The following AFF2 variants were observed in gnomAD, a reference collection of about 807,000 sequenced individuals.
AFF2 encodes AF4/FMR2 family member 2.
In AFF2, 14 loss-of-function variants were observed where a neutral mutation model predicts 76.9. That is an observed-to-expected ratio of 0.18 (90% confidence interval 0.12 to 0.28). AFF2 has a LOEUF of 0.28. AFF2 is among the 10% of genes least tolerant of loss of function. AFF2 has a pLI of 1.00. For missense variants in AFF2, 868 were observed against 1,001.1 expected (o/e 0.87, Z 1.79); for synonymous variants, 398 against 366.7 (o/e 1.09, Z -0.98).
At chrX:148,757,795 T>C (rs782628990) in intron 3 of AFF2, among the ~76,000 whole-genome samples, 37 of 112,080 alleles carry the variant, frequency 3.3e-4, no homozygotes, top group Non-Finnish European at 6.0e-4. Flanking sequence ...TCACTCTTAT[T>C]TTTGTTCTTA....
chrX:148,546,582 T>C (rs1256364600), intron 1 of AFF2, among the ~76,000 whole-genome samples: 1 of 112,636 alleles, frequency 8.9e-6, no homozygotes, highest in Admixed American at 9.4e-5. Context: ...GTGTGTATCA[T>C]TGTATCATGC....
intron 4 of AFF2, among the ~76,000 whole-genome samples, chrX:148,823,644 A>G (rs1257632117): frequency 8.9e-6 from 1 of 111,786 alleles, no homozygotes; most frequent in African/African-American, 3.3e-5. Flanking sequence ...ATATTGTTTT[A>G]CCTTCTAGAC....
chrX:148,524,123 C>CTCTGTG (rs1392390338), intron 1 of AFF2, among the ~76,000 whole-genome samples: 3 of 83,464 alleles, frequency 3.6e-5, no homozygotes, highest in African/African-American at 1.6e-4. Context: ...CTCTCTCTCT[C>CTCTGTG]TGTGTGTGTG....
chrX:148,652,046 G>A lies in AFF2; in HGVS notation c.95G>A (p.Arg32Gln), dbSNP rs782129403. ...GCACTTAAAAAAAGGGAATGGGAGCGGAGGAATCAAGAAGTCCAGCAAGAA... is the reference window on the plus strand; with the variant it reads ...GCACTTAAAAAAAGGGAATGGGAGCAGAGGAATCAAGAAGTCCAGCAAGAA... The part of the protein sequence containing the change: ...RSALKKREWE[R>Q]RNQEVQQEDD... The change falls in exon 2 of 21, where the codon CGG (arginine) becomes CAG (glutamine). Residue 32 changes from arginine (R) to glutamine (Q), a missense_variant. Coordinates refer to ENST00000370460, the MANE Select transcript of AFF2 (RefSeq NM_002025.4). 4.2e-6 allele frequency: 5 copies of A among 1,202,185 alleles called. 1 individual carries two copies. In the South Asian group the frequency reaches 5.3e-5, roughly 13 times the overall value.
chrX:148,737,482 G>A (rs782777156), intron 3 of AFF2, among the ~76,000 whole-genome samples: 1 of 112,020 alleles, frequency 8.9e-6, no homozygotes, highest in East Asian at 2.8e-4. Context: ...TGGAAACTTT[G>A]TTGAATTCTT....
At chrX:148,867,312 A>C (rs1356616862) in intron 7 of AFF2, among the ~76,000 whole-genome samples, 4 of 112,171 alleles carry the variant, frequency 3.6e-5, no homozygotes, top group African/African-American at 1.3e-4. Context: ...AAGTATCTGG[A>C]GAAGGGCCCA....
intron 3 of AFF2, among the ~76,000 whole-genome samples, chrX:148,704,444 ATATATTTATATATGTG>A: frequency 4.1e-5 from 1 of 24,258 alleles, no homozygotes; most frequent in Admixed American, 7.1e-4. Context: ...ATGTGTATAT[ATATATTTATATATGTG>A]TATATATTTA....
chrX:148,932,137 T>A (rs2071721144), intron 9 of AFF2, among the ~76,000 whole-genome samples: 1 of 112,110 alleles, frequency 8.9e-6, no homozygotes. Flanking sequence ...AGTTCAGCTC[T>A]AAAAAGTTTG....
rs1228431813 is a variant in AFF2, at chrX:148,992,058, A to G, written c.*726A>G. 8.9e-6 allele frequency: 1 copy of G among 112,027 alleles called. No individual in the cohort carries two copies. The highest frequency in any genetic ancestry group is 1.9e-5 in the Non-Finnish European group (1 of 53,231). The allele number at this position is 112,027 out of a possible 1,213,427, so 9.2% of individuals were successfully genotyped here. On this transcript the variant is annotated 3_prime_UTR_variant, in exon 21 of 21. Coordinates refer to ENST00000370460, the MANE Select transcript of AFF2 (RefSeq NM_002025.4). ...CAAGTTTTAGGCATCAGCTGGCATC[A>G]GTGTTTTTCAACTCCATTATTTGAA...
intron 1 of AFF2, among the ~76,000 whole-genome samples, chrX:148,581,097 G>GTA (rs782647636): frequency 1.2e-5 from 1 of 83,464 alleles, no homozygotes; most frequent in Non-Finnish European, 2.4e-5. Context: ...ATGTGTATAT[G>GTA]TATATATACA....
At chrX:148,723,919 C>CTTTTTTTT (rs782084454) in intron 3 of AFF2, among the ~76,000 whole-genome samples, 4 of 84,556 alleles carry the variant, frequency 4.7e-5, no homozygotes, top group Non-Finnish European at 7.0e-5. Flanking sequence ...TTTCTTTTTT[C>CTTTTTTTT]TTTTTTTTTT....
chrX:148,757,321 C>T (rs925989086), intron 3 of AFF2, among the ~76,000 whole-genome samples: 21 of 111,412 alleles, frequency 1.9e-4, no homozygotes, highest in East Asian at 5.6e-4. Flanking sequence ...TTTGGTCTTT[C>T]GCGGGAAAGT....
At chrX:148,932,837 A>G (rs781996795) in intron 9 of AFF2, among the ~76,000 whole-genome samples, 1 of 112,603 alleles carries the variant, frequency 8.9e-6, no homozygotes, top group African/African-American at 3.2e-5. Flanking sequence ...TGTATTAAAT[A>G]TTCATTAAAT....
chrX:148,674,952 G>A (rs1489113403), intron 3 of AFF2, among the ~76,000 whole-genome samples: 2 of 112,405 alleles, frequency 1.8e-5, no homozygotes, highest in Non-Finnish European at 3.8e-5. Context: ...CAAATTAGGT[G>A]AAAGGGTTGA....
intron 16 of AFF2, among the ~76,000 whole-genome samples, chrX:148,974,205 T>G (rs1557289915): frequency 9.1e-6 from 1 of 110,360 alleles, no homozygotes; most frequent in Admixed American, 9.6e-5. Flanking sequence ...TTAAATGAAA[T>G]TTTCTGGCTG....
chrX:148,983,665 A>T (rs782083848), intron 19 of AFF2, among the ~76,000 whole-genome samples: 18 of 111,021 alleles, frequency 1.6e-4, no homozygotes, highest in Non-Finnish European at 3.2e-4. Flanking sequence ...TTGCTCCTCT[A>T]GTATACTCTT....
At chrX:148,983,740 T>C (rs1299629657) in intron 19 of AFF2, among the ~76,000 whole-genome samples, 2 of 109,097 alleles carry the variant, frequency 1.8e-5, no homozygotes, top group Non-Finnish European at 3.8e-5. Flanking sequence ...GTGCCTACCT[T>C]GTGTGAGACA....
intron 3 of AFF2, among the ~76,000 whole-genome samples, chrX:148,778,529 G>T (rs1394585475): frequency 2.7e-5 from 3 of 111,143 alleles, no homozygotes; most frequent in Non-Finnish European, 3.8e-5. Context: ...ATTAATTACT[G>T]TCTCAATTTC....
chrX:148,522,137 A>G (rs2052608892), intron 1 of AFF2, among the ~76,000 whole-genome samples: 1 of 112,653 alleles, frequency 8.9e-6, no homozygotes, highest in South Asian at 3.6e-4. Flanking sequence ...GATGCAAAAT[A>G]GTCAAATCAC....
Sources: allele counts gnomAD v4.1 joint callset (sites outside exome capture counted in the v4.1 genomes callset), GRCh38; gene constraint gnomAD v4.1.1; transcripts MANE v1.5; gene names NCBI Gene and HGNC (gene_info 2026-07-23, HGNC 2026-07-21).